The following SEMA3C variants were observed in gnomAD, a reference collection of about 807,000 sequenced individuals.
SEMA3C encodes semaphorin 3C.
In SEMA3C, 47 loss-of-function variants were observed where a neutral mutation model predicts 89.4. The observed-to-expected ratio is 0.53, with a 90% CI of 0.42 to 0.67. The LOEUF (loss-of-function observed/expected upper bound fraction) is 0.67, where lower values mean the gene tolerates loss of function less well. SEMA3C is among the 30% of genes least tolerant of loss of function. SEMA3C has a pLI of 0.00. For synonymous variants in SEMA3C, 310 were observed against 320.2 expected (o/e 0.97, Z 0.34); for missense variants, 839 against 929.1 (o/e 0.90, Z 1.26).
chr7:80,918,902 T>A lies in SEMA3C; in HGVS notation c.-113A>T. 2 of 985,422 alleles carry A rather than the reference T, an allele frequency of 2.0e-6. No individual in the cohort carries two copies. The highest frequency in any genetic ancestry group is 2.4e-6 in the Non-Finnish European group (2 of 829,918). The allele number at this position is 985,422 out of a possible 1,614,324, so 61.0% of individuals were successfully genotyped here. On this transcript the variant is annotated 5_prime_UTR_variant, in exon 1 of 18. The change creates a new upstream start codon in the 5' untranslated region. Transcript: ENST00000265361. Reference sequence around the variant, plus strand: ...TTGGATGCGCTTGTGTCTCCAGTCCTTTTCCCAGACGACCTTATTTTCTAG... The same window carrying A: ...TTGGATGCGCTTGTGTCTCCAGTCCATTTCCCAGACGACCTTATTTTCTAG...
At chr7:80,848,952 C>G (rs1318480200) in intron 2 of SEMA3C, among the ~76,000 whole-genome samples, 3 of 152,098 alleles carry the variant, frequency 2.0e-5, no homozygotes, top group African/African-American at 7.2e-5. Flanking sequence ...AACGCAGACT[C>G]TAACATGGAG....
intron 2 of SEMA3C, among the ~76,000 whole-genome samples, chr7:80,831,628 T>C (rs1790010310): frequency 1.3e-5 from 2 of 152,112 alleles, no homozygotes; most frequent in South Asian, 4.1e-4. Flanking sequence ...AGGAAAATAA[T>C]TTGAGTATGC....
At chr7:80,779,817 C>T (rs536155005) in intron 12 of SEMA3C, among the ~76,000 whole-genome samples, 93 of 152,268 alleles carry the variant, frequency 6.1e-4, no homozygotes, top group Non-Finnish European at 1.2e-3. Context: ...GAGACCCCAT[C>T]TCAGCAGATT....
intron 5 of SEMA3C, among the ~76,000 whole-genome samples, chr7:80,813,303 G>T (rs1240417181): frequency 6.6e-6 from 1 of 152,132 alleles, no homozygotes; most frequent in Non-Finnish European, 1.5e-5. Context: ...ATACATTACA[G>T]ATTTGTGATC....
intron 2 of SEMA3C, among the ~76,000 whole-genome samples, chr7:80,861,346 A>G (rs1790766704): frequency 6.6e-6 from 1 of 152,158 alleles, no homozygotes; most frequent in Non-Finnish European, 1.5e-5. Flanking sequence ...ATAATATATA[A>G]TATGTTTCAG....
At chr7:80,912,599 G>T (rs1409368862) in intron 2 of SEMA3C, among the ~76,000 whole-genome samples, 1 of 152,108 alleles carries the variant, frequency 6.6e-6, no homozygotes, top group Non-Finnish European at 1.5e-5. Flanking sequence ...CCTTGAGTTT[G>T]GGTTTACTAA....
chr7:80,751,440 GC>G lies in SEMA3C; in HGVS notation c.1644-105del, dbSNP rs1450710426. 7.1e-6 allele frequency: 7 copies of G among 987,888 alleles called. No individual in the cohort carries two copies. In the Admixed American group the frequency reaches 8.4e-5, roughly 12 times the overall value. 61.2% of individuals were successfully genotyped at this position (987,888 alleles called of 1,614,324 possible). ...AACTTTGCACCCTTTTTATTGCTAA[GC>G]TTTCATAAAATTTTTTAAAAAGAGT... is the stretch of plus-strand genomic sequence containing the variant. On this transcript the variant is annotated intron_variant, in intron 15 of 17. Coordinates refer to ENST00000265361, the MANE Select transcript of SEMA3C (RefSeq NM_006379.5).
intron 2 of SEMA3C, among the ~76,000 whole-genome samples, chr7:80,896,344 T>C (rs1373407403): frequency 6.6e-6 from 1 of 152,186 alleles, no homozygotes; most frequent in African/African-American, 2.4e-5. Flanking sequence ...ACTTGTGTTG[T>C]CTGCCCTCTA....
At chr7:80,881,191 A>G (rs1003152136) in intron 2 of SEMA3C, among the ~76,000 whole-genome samples, 3 of 151,368 alleles carry the variant, frequency 2.0e-5, no homozygotes, top group Admixed American at 1.3e-4. Context: ...ACACACACAC[A>G]CACACACACA....
chr7:80,917,152 T>C (rs1316195730), intron 1 of SEMA3C, among the ~76,000 whole-genome samples: 2 of 152,308 alleles, frequency 1.3e-5, no homozygotes, highest in East Asian at 1.9e-4. Flanking sequence ...TCCATTACAT[T>C]AAAAAGACTT....
chr7:80,808,304 A>G (rs73372932), intron 6 of SEMA3C, among the ~76,000 whole-genome samples: 2,934 of 134,648 alleles, frequency 0.022, 85 homozygotes, highest in African/African-American at 0.061. Context: ...ACAAATGAAA[A>G]CTATATATAT....
At chr7:80,888,867 A>T (rs1218850706) in intron 2 of SEMA3C, among the ~76,000 whole-genome samples, 1 of 151,630 alleles carries the variant, frequency 6.6e-6, no homozygotes, top group Non-Finnish European at 1.5e-5. Context: ...ATGCATTTTA[A>T]TTTTTTTTTC....
chr7:80,840,973 G>A (rs955455367), intron 2 of SEMA3C, among the ~76,000 whole-genome samples: 19 of 152,084 alleles, frequency 1.2e-4, no homozygotes, highest in African/African-American at 3.1e-4. Flanking sequence ...AAAAGTTTGC[G>A]TAGAAACCCT....
chr7:80,814,073 CTTT>C (rs935523129), intron 5 of SEMA3C, among the ~76,000 whole-genome samples: 1 of 143,816 alleles, frequency 7.0e-6, no homozygotes, highest in African/African-American at 2.6e-5. Flanking sequence ...TTCTCTGTTC[CTTT>C]TTTTTTTCTT....
At position 80,745,220 on chromosome 7, in the gene SEMA3C, T is replaced by C. The variant is rs1008178815; in HGVS notation, c.1930A>G (p.Ile644Val). The change falls in exon 18 of 18, where the codon ATT becomes GTT. Residue 644 changes from isoleucine (I) to valine (V), a missense_variant. Coordinates refer to ENST00000265361, the MANE Select transcript of SEMA3C (RefSeq NM_006379.5). Reference sequence around the variant, plus strand: ...TGCTTGAAACTATTTTCTGTAGCAATGCAGTGATAAAGTCCTTGGTCAGAA... The same window carrying C: ...TGCTTGAAACTATTTTCTGTAGCAACGCAGTGATAAAGTCCTTGGTCAGAA... ...QGSDQGLYHC[I>V]ATENSFKQTI... is the part of the protein sequence containing the mutation. 48 of 1,613,924 alleles carry C rather than the reference T, an allele frequency of 3.0e-5. No homozygotes were observed. Among genetic ancestry groups the C allele is most frequent in the Non-Finnish European group, 3.7e-5 (44 of 1,179,984 alleles).
chr7:80,758,588 A>G (rs1488891499), intron 14 of SEMA3C, 100 bp from the exon 15 acceptor site: 2 of 1,181,740 alleles, frequency 1.7e-6, no homozygotes, highest in Non-Finnish European at 2.5e-6. Context: ...CCTTGGATTC[A>G]TTTTGGAACC....
At chr7:80,909,047 T>C (rs1174080509) in intron 2 of SEMA3C, among the ~76,000 whole-genome samples, 1 of 152,112 alleles carries the variant, frequency 6.6e-6, no homozygotes, top group Non-Finnish European at 1.5e-5. Flanking sequence ...GGTATTCAAA[T>C]ATAATGTAAT....
intron 2 of SEMA3C, among the ~76,000 whole-genome samples, chr7:80,861,982 C>CATA (rs983761212): frequency 1.3e-5 from 2 of 152,104 alleles, no homozygotes; most frequent in African/African-American, 4.8e-5. Flanking sequence ...CCACAGCCAA[C>CATA]ATAACACTGA....
At chr7:80,880,214 T>C (rs1791301069) in intron 2 of SEMA3C, among the ~76,000 whole-genome samples, 1 of 152,198 alleles carries the variant, frequency 6.6e-6, no homozygotes, top group African/African-American at 2.4e-5. Context: ...TACCACAGTC[T>C]GCCCTTTCCC....
Sources: gnomAD v4.1 joint callset for allele counts (sites outside exome capture counted in the v4.1 genomes callset) on GRCh38, gnomAD v4.1.1 for gene constraint, MANE v1.5 for transcripts, NCBI Gene and HGNC (gene_info 2026-07-23, HGNC 2026-07-21) for gene names.